SEMA6D: variants seen among roughly 807,000 people sequenced by gnomAD.
The protein encoded by SEMA6D is semaphorin-6D.
Under a neutral mutation model 106.6 loss-of-function variants are expected in SEMA6D, and 35 were observed. That is an observed-to-expected ratio of 0.33 (90% CI 0.25 to 0.44). The LOEUF (loss-of-function observed/expected upper bound fraction) is 0.44. SEMA6D is among the 20% of genes least tolerant of loss of function. SEMA6D has a pLI of 1.00. For synonymous variants in SEMA6D, 499 were observed against 487.7 expected (o/e 1.02, Z -0.31); for missense variants, 1,185 against 1,345.9 (o/e 0.88, Z 1.87).
At chr15:47,458,248 T>C (rs1470726424) in intron 2 of SEMA6D, among the ~76,000 whole-genome samples, 1 of 151,958 alleles carries the variant, frequency 6.6e-6, no homozygotes, top group Non-Finnish European at 1.5e-5. Flanking sequence ...GTTTTCACCA[T>C]ATATGCGGTA....
chr15:47,721,948 G>A lies in SEMA6D; in HGVS notation c.-55+4256G>A, dbSNP rs143553600. Among the ~76,000 whole-genome samples the A allele has an allele frequency of 1.7e-3, 261 of 152,050 alleles. 1 individual carries two copies. Among genetic ancestry groups the A allele is most frequent in the African/African-American group, 6.1e-3 (253 of 41,478 alleles). ...ATTTGGAGCTACATGGAATCCATCC[G>A]GCTGTGAACAGCACAGCTGGCTACA... On this transcript the variant is annotated intron_variant, in intron 1 of 18. Transcript: ENST00000536845.
At chr15:47,218,751 G>A (rs2141332583) in intron 1 of SEMA6D, among the ~76,000 whole-genome samples, 1 of 152,284 alleles carries the variant, frequency 6.6e-6, no homozygotes, top group Non-Finnish European at 1.5e-5. Flanking sequence ...CAGACACTGT[G>A]TCAATTGTCT....
chr15:47,477,068 T>C (rs1488836841), intron 3 of SEMA6D, among the ~76,000 whole-genome samples: 3 of 152,122 alleles, frequency 2.0e-5, no homozygotes, highest in Non-Finnish European at 4.4e-5. Flanking sequence ...GTTAATTCAT[T>C]TAACCAAAAT....
intron 1 of SEMA6D, among the ~76,000 whole-genome samples, chr15:47,342,992 C>A (rs950741031): frequency 2.0e-5 from 3 of 152,178 alleles, no homozygotes; most frequent in African/African-American, 7.2e-5. Flanking sequence ...GGATTACAGG[C>A]ATGAGCCACT....
chr15:47,760,047 C>G, intron 2 of SEMA6D, 140 bp downstream of exon 2: 4 of 717,418 alleles, frequency 5.6e-6, no homozygotes, highest in Non-Finnish European at 9.3e-6. Flanking sequence ...TATCAGTAAT[C>G]ATTTCCTAGT....
intron 4 of SEMA6D, among the ~76,000 whole-genome samples, chr15:47,607,684 G>A (rs563547199): frequency 1.8e-4 from 27 of 152,252 alleles, no homozygotes; most frequent in Non-Finnish European, 2.8e-4. Context: ...TTGCAAATGC[G>A]TAACCTTGTT....
intron 4 of SEMA6D, among the ~76,000 whole-genome samples, chr15:47,683,831 G>C (rs1166798407): frequency 6.6e-6 from 1 of 152,210 alleles, no homozygotes; most frequent in Non-Finnish European, 1.5e-5. Context: ...ACAATGGGAA[G>C]ACATTGTGTC....
At chr15:47,515,253 G>T (rs1317783948) in intron 3 of SEMA6D, among the ~76,000 whole-genome samples, 1 of 152,058 alleles carries the variant, frequency 6.6e-6, no homozygotes, top group African/African-American at 2.4e-5. Flanking sequence ...ACCCAATTCC[G>T]CTTGTTAACT....
intron 3 of SEMA6D, chr15:47,581,418 G>A: frequency 4.1e-6 from 2 of 484,960 alleles, no homozygotes; most frequent in South Asian, 3.0e-5. Flanking sequence ...TTTGAGAAAA[G>A]TAAATCAGGG....
At chr15:47,256,886 T>C in intron 1 of SEMA6D, among the ~76,000 whole-genome samples, 1 of 152,146 alleles carries the variant, frequency 6.6e-6, no homozygotes, top group East Asian at 1.9e-4. Context: ...TAAAAAATGC[T>C]AAAATATTGT....
chr15:47,547,063 TATGTGAACCTGTGAAATG>T (rs1354011576), intron 3 of SEMA6D, among the ~76,000 whole-genome samples: 21 of 152,252 alleles, frequency 1.4e-4, no homozygotes, highest in African/African-American at 4.6e-4. Context: ...TTCTGATGTT[TATGTGAACCTGTGAAATG>T]ACCCAATTTT....
chr15:47,281,253 T>C (rs2035095480), intron 1 of SEMA6D, among the ~76,000 whole-genome samples: 1 of 135,800 alleles, frequency 7.4e-6, no homozygotes, highest in Admixed American at 7.7e-5. Context: ...TATCTCTTCT[T>C]GTTGAATTGA....
intron 1 of SEMA6D, among the ~76,000 whole-genome samples, chr15:47,247,747 A>G (rs1423683125): frequency 1.3e-5 from 2 of 152,124 alleles, no homozygotes; most frequent in East Asian, 3.9e-4. Flanking sequence ...GTCATATTTG[A>G]TTCTAAATAT....
At chr15:47,504,262 G>T (rs888527558) in intron 3 of SEMA6D, among the ~76,000 whole-genome samples, 4 of 152,090 alleles carry the variant, frequency 2.6e-5, no homozygotes, top group Non-Finnish European at 5.9e-5. Context: ...TCTTCTCTGG[G>T]CAGACCAGCC....
At chr15:47,614,127 A>G (rs918637163) in intron 4 of SEMA6D, among the ~76,000 whole-genome samples, 1 of 152,190 alleles carries the variant, frequency 6.6e-6, no homozygotes, top group Non-Finnish European at 1.5e-5. Context: ...ACAGAAATCT[A>G]AATAAAATAA....
chr15:47,365,860 CAAAG>C (rs145702101), intron 1 of SEMA6D, among the ~76,000 whole-genome samples: 3,027 of 127,638 alleles, frequency 0.024, 145 homozygotes, highest in South Asian at 0.052. Flanking sequence ...GACTCCATCT[CAAAG>C]AAAGAAAGAA....
intron 1 of SEMA6D, among the ~76,000 whole-genome samples, chr15:47,294,869 C>T (rs575426019): frequency 6.6e-6 from 1 of 152,314 alleles, no homozygotes; most frequent in South Asian, 2.1e-4. Context: ...TGAGAAGCAA[C>T]AATCTTAATA....
chr15:47,282,556 C>G (rs1474008572), intron 1 of SEMA6D, among the ~76,000 whole-genome samples: 1 of 152,080 alleles, frequency 6.6e-6, no homozygotes, highest in African/African-American at 2.4e-5. Flanking sequence ...TGAGTGGACA[C>G]ATTTCTGTTG....
chr15:47,361,323 A>G (rs767130813), intron 1 of SEMA6D, among the ~76,000 whole-genome samples: 1 of 152,192 alleles, frequency 6.6e-6, no homozygotes, highest in African/African-American at 2.4e-5. Context: ...TACTACCCAT[A>G]AGGCCACTGA....
Sources: gnomAD v4.1 joint callset for allele counts (sites outside exome capture counted in the v4.1 genomes callset) on GRCh38, gnomAD v4.1.1 for gene constraint, MANE v1.5 for transcripts, NCBI Gene and HGNC (gene_info 2026-07-23, HGNC 2026-07-21) for gene names.